ANKRD16: variants seen among roughly 807,000 people sequenced by gnomAD.
ANKRD16 encodes the protein ankyrin repeat domain-containing protein 16.
In ANKRD16, 35 loss-of-function variants were observed where a neutral mutation model predicts 37.9. That is an observed-to-expected ratio of 0.92 (90% CI 0.71 to 1.23). The LOEUF (loss-of-function observed/expected upper bound fraction) is 1.23. Ranked by LOEUF, ANKRD16 falls within the 50% of genes most tolerant of loss-of-function variation. The pLI, the probability that ANKRD16 is intolerant of heterozygous loss-of-function variation, is 0.00. For synonymous variants in ANKRD16, 206 were observed against 197.2 expected (o/e 1.04, Z -0.37); for missense variants, 480 against 469.9 (o/e 1.02, Z -0.20).
chr10:5,870,374 C>T lies in ANKRD16; in HGVS notation c.*34-7683G>A, dbSNP rs1280123204. 1.3e-5 allele frequency among the ~76,000 whole-genome samples: 2 copies of T among 151,664 alleles called. No homozygotes were observed. The highest frequency in any genetic ancestry group is 2.9e-5 in the Non-Finnish European group (2 of 67,924). On this transcript the variant is annotated intron_variant, in intron 7 of 7. Transcript: ENST00000380094. This position sits in a 1 kb window ranked among gnomAD's most constrained non-coding sequence, Gnocchi z 5.0. ...TCTCTTCCCTGCGACTCTGCCCGGG[C>T]ACCAGCCAGTCCTCATTCCCTCCCT...
At position 5,870,846 on chromosome 10, in the gene ANKRD16, GTTGC is replaced by G. The variant is rs1842078614; in HGVS notation, c.*33+7247_*33+7250del. The stretch of plus-strand genomic sequence containing the variant: ...GTTGAAATGCCTGCAGAACCCTCCT[GTTGC>G]TGTGCTCAGGCCAGAAGCTGCACAG... On this transcript the variant is annotated intron_variant, in intron 7 of 7. Transcript: ENST00000380094. The surrounding 1 kb of genome is among the most constrained non-coding windows in gnomAD (Gnocchi z 5.0). Among the ~76,000 whole-genome samples, 1 of 152,166 alleles carries G rather than the reference GTTGC, an allele frequency of 6.6e-6. No homozygotes were observed.
In ANKRD16 at chr10:5,882,525, A is replaced by G. The variant is rs140441998; in HGVS notation, c.849+481T>C. ...AAAAATAAGTAAAAGCATAAAGCCAATAGATAATGTTAAGGATAATATGCA... is the reference window on the plus strand; with the variant it reads ...AAAAATAAGTAAAAGCATAAAGCCAGTAGATAATGTTAAGGATAATATGCA... On this transcript the variant is annotated intron_variant, in intron 5 of 7. Coordinates refer to ENST00000380094, the MANE Select transcript of ANKRD16 (RefSeq NM_019046.3). Among the ~76,000 whole-genome samples the G allele has an allele frequency of 1.3e-3, 205 of 152,244 alleles. 2 individuals are homozygous for G. The highest frequency in any genetic ancestry group is 4.7e-3 in the African/African-American group (197 of 41,546).
intron 1 of ANKRD16, 144 bp downstream of exon 1, chr10:5,888,897 G>A: frequency 1.2e-6 from 1 of 846,262 alleles, no homozygotes; most frequent in African/African-American, 1.8e-5. Flanking sequence ...AGTTGGGCAG[G>A]AGGTCCCTGC....
rs776409090 is a variant in ANKRD16 at position 5,873,896 on chromosome 10, TCTG to T, written c.*33+4198_*33+4200del. ...CTCTTTGCATCTCTTTTCAGCGACT[TCTG>T]CTTTTTTTTTTTGAGACGGCGTCTC... is the stretch of plus-strand genomic sequence containing the variant. On this transcript the variant is annotated intron_variant, in intron 7 of 7. Coordinates refer to ENST00000380094, the MANE Select transcript of ANKRD16 (RefSeq NM_019046.3). Among the ~76,000 whole-genome samples the T allele has an allele frequency of 1.3e-3, 176 of 137,758 alleles. 2 individuals carry two copies. The highest frequency in any genetic ancestry group is 2.4e-3 in the Non-Finnish European group (152 of 62,494). The allele number at this position is 137,758 out of a possible 152,430, so 90.4% of individuals were successfully genotyped here. A position where few individuals can be genotyped will look rare whatever the true frequency, so the allele number is the denominator to read the frequency against.
rs1842229508 is a variant in ANKRD16, at chr10:5,878,798, A to G, written c.929-511T>C. Among the ~76,000 whole-genome samples, 1 of 152,062 alleles carries G rather than the reference A, an allele frequency of 6.6e-6. No homozygotes were observed. Among genetic ancestry groups the G allele is most frequent in the East Asian group, 1.9e-4 (1 of 5,188 alleles). On this transcript the variant is annotated intron_variant, in intron 6 of 7. Transcript: ENST00000380094. The surrounding 1 kb of genome is among the most constrained non-coding windows in gnomAD (Gnocchi z 5.1). ...AAGACTCTGCCTCAAAAAAAAAAAA[A>G]AAAGAAAAAGAAACTTATCTAAAGC... is the stretch of plus-strand genomic sequence containing the variant.
intron 7 of ANKRD16, among the ~76,000 whole-genome samples, chr10:5,876,457 C>T (rs781547330): frequency 2.6e-5 from 4 of 152,108 alleles, no homozygotes; most frequent in Admixed American, 6.6e-5. Flanking sequence ...TCTTTCAGTC[C>T]CACCTGTACA....
intron 7 of ANKRD16, among the ~76,000 whole-genome samples, chr10:5,873,472 C>CA (rs1302349804): frequency 2.6e-5 from 4 of 152,246 alleles, no homozygotes; most frequent in East Asian, 1.9e-4. Context: ...CCGTGCTCAG[C>CA]CCTATATGCA....
At position 5,881,438 on chromosome 10, in the gene ANKRD16, T is replaced by TTATAAATATAAATATATA. The variant is rs1422263395; in HGVS notation, c.850-1063_850-1062insTATATATTTATATTTATA. 3.9e-5 allele frequency among the ~76,000 whole-genome samples: 2 copies of TTATAAATATAAATATATA among 51,024 alleles called. 1 individual carries two copies. The highest frequency in any genetic ancestry group is 5.0e-4 in the Admixed American group (2 of 3,976). 33.5% of individuals were successfully genotyped at this position (51,024 alleles called of 152,430 possible). On this transcript the variant is annotated intron_variant, in intron 5 of 7. Transcript: ENST00000380094. Reference sequence around the variant, plus strand: ...ATATTTTATAAAATAAAAATATTATTTATATATATATATATATATATATAT... The same window carrying TTATAAATATAAATATATA: ...ATATTTTATAAAATAAAAATATTATTTATAAATATAAATATATATATATATATATATATATATATATAT...
intron 4 of ANKRD16, among the ~76,000 whole-genome samples, chr10:5,883,638 T>C (rs573293148): frequency 6.6e-6 from 1 of 152,238 alleles, no homozygotes; most frequent in Non-Finnish European, 1.5e-5. Context: ...TATGATTCAA[T>C]GTTCCAGGCT....
rs1842218924 is a variant in ANKRD16, at chr10:5,878,340, C to T, written c.929-53G>A. The T allele has an allele frequency of 6.5e-7, 1 of 1,530,384 alleles. No individual in the cohort carries two copies. Among genetic ancestry groups the T allele is most frequent in the South Asian group, 1.2e-5 (1 of 82,718 alleles). The allele number at this position is 1,530,384 out of a possible 1,614,324, so 94.8% of individuals were successfully genotyped here. A position where few individuals can be genotyped will look rare whatever the true frequency, so the allele number is the denominator to read the frequency against. The stretch of plus-strand genomic sequence containing the variant: ...TTAAAACACAATCCCTGGAGCAATA[C>T]TGACCTCATGAGTTGATAGTGCCCA... On this transcript the variant is annotated intron_variant, in intron 6 of 7. Transcript: ENST00000380094. The surrounding 1 kb of genome is among the most constrained non-coding windows in gnomAD (Gnocchi z 5.1).
chr10:5,873,673 A>C (rs1349985773), intron 7 of ANKRD16, among the ~76,000 whole-genome samples: 1 of 152,146 alleles, frequency 6.6e-6, no homozygotes, highest in Non-Finnish European at 1.5e-5. Context: ...GGGTTAAATT[A>C]AATTCAGTGC....
At chr10:5,882,780 T>C (rs1564418353) in intron 5 of ANKRD16, 8 of 395,942 alleles carry the variant, frequency 2.0e-5, no homozygotes, top group Middle Eastern at 1.4e-3. Context: ...GGGAGGCACT[T>C]TATGGAGTAA....
Position 5,873,028 on chromosome 10 carries a change from CT to C in ANKRD16, c.*33+5068del, listed in dbSNP as rs573396387. ...GTGTGCCCCACCACACCTGGCTAATCTTTTTTTTTTTTTTTTTCTGAGACAG... is the reference window on the plus strand; with the variant it reads ...GTGTGCCCCACCACACCTGGCTAATCTTTTTTTTTTTTTTTTCTGAGACAG... On this transcript the variant is annotated intron_variant, in intron 7 of 7. Transcript: ENST00000380094. 7.7e-4 allele frequency among the ~76,000 whole-genome samples: 89 copies of C among 116,084 alleles called. 1 individual carries two copies. The highest frequency in any genetic ancestry group is 4.8e-3 in the Middle Eastern group (1 of 210). The allele number at this position is 116,084 out of a possible 152,430, so 76.2% of individuals were successfully genotyped here. A position where few individuals can be genotyped will look rare whatever the true frequency, so the allele number is the denominator to read the frequency against.
At position 5,865,307 on chromosome 10, in the gene ANKRD16, C is replaced by A. The variant is rs1488919794; in HGVS notation, c.*34-2616G>T. ...GAGGCAATCACTGGAAGGTGCACTG[C>A]CCCAGAGGACAAAGGTTCTCTGGGC... is the stretch of plus-strand genomic sequence containing the variant. On this transcript the variant is annotated intron_variant, in intron 7 of 7. Coordinates refer to ENST00000380094, the MANE Select transcript of ANKRD16 (RefSeq NM_019046.3). This position sits in a 1 kb window ranked among gnomAD's most constrained non-coding sequence, Gnocchi z 4.7. Among the ~76,000 whole-genome samples, 1 of 152,222 alleles carries A rather than the reference C, an allele frequency of 6.6e-6. No homozygotes were observed. The highest frequency in any genetic ancestry group is 2.4e-5 in the African/African-American group (1 of 41,452).
At chr10:5,885,794 G>C (rs1215953105) in intron 2 of ANKRD16, 29 bp from the exon 3 acceptor site, 5 of 1,593,396 alleles carry the variant, frequency 3.1e-6, no homozygotes, top group Non-Finnish European at 1.7e-6. Context: ...CTGAGAATTA[G>C]AGCTTTTTAG....
In ANKRD16 at chr10:5,885,710, G is replaced by A. The variant is rs7076614; in HGVS notation, c.578+13C>T. 19 of 1,613,554 alleles carry A rather than the reference G, an allele frequency of 1.2e-5. No individual in the cohort carries two copies. Among genetic ancestry groups the A allele is most frequent in the East Asian group, 1.1e-4 (5 of 44,860 alleles). ...TAGCAAATATTTTCCCTGACTTGCT[G>A]TATTGTTCTTACCTCTTAAGAAGCA... is the stretch of plus-strand genomic sequence containing the variant. On this transcript the variant is annotated intron_variant, in intron 3 of 7. Transcript: ENST00000380094.
chr10:5,870,113 T>C lies in ANKRD16; in HGVS notation c.*34-7422A>G, dbSNP rs148705074. The stretch of plus-strand genomic sequence containing the variant: ...CTGTTGGACCATTCTCTCAGCAATC[T>C]GTAAACTGTAATCTGCTCCATTAAA... On this transcript the variant is annotated intron_variant, in intron 7 of 7. Transcript: ENST00000380094. This position sits in a 1 kb window ranked among gnomAD's most constrained non-coding sequence, Gnocchi z 5.0. Among the ~76,000 whole-genome samples the C allele has an allele frequency of 3.3e-4, 50 of 152,292 alleles. No individual in the cohort carries two copies. Among genetic ancestry groups the C allele is most frequent in the African/African-American group, 1.2e-3 (50 of 41,550 alleles).
chr10:5,862,257 A>G lies in ANKRD16; in HGVS notation c.*468T>C. 2.8e-6 allele frequency: 1 copy of G among 359,236 alleles called. No homozygotes were observed. Among genetic ancestry groups the G allele is most frequent in the Non-Finnish European group, 5.4e-6 (1 of 183,566 alleles). The allele number at this position is 359,236 out of a possible 1,614,324, so 22.3% of individuals were successfully genotyped here. On this transcript the variant is annotated 3_prime_UTR_variant, in exon 8 of 8. Transcript: ENST00000380094. This position sits in a 1 kb window ranked among gnomAD's most constrained non-coding sequence, Gnocchi z 6.5. Reference sequence around the variant, plus strand: ...TTCTCTGGCTAAAGACTGCTGCTGCATCTGTTAGGCAATGTTGACAATCTC... The same window carrying G: ...TTCTCTGGCTAAAGACTGCTGCTGCGTCTGTTAGGCAATGTTGACAATCTC...
chr10:5,877,509 T>G (rs1376263191), intron 7 of ANKRD16, among the ~76,000 whole-genome samples: 1 of 152,252 alleles, frequency 6.6e-6, no homozygotes, highest in Non-Finnish European at 1.5e-5. Flanking sequence ...TAAAACTTGA[T>G]AGCTTAACTA....
Sources: allele counts gnomAD v4.1 joint callset (sites outside exome capture counted in the v4.1 genomes callset), GRCh38; gene constraint gnomAD v4.1.1; non-coding constraint Gnocchi (gnomAD v3.1); transcripts MANE v1.5; gene names NCBI Gene and HGNC (gene_info 2026-07-23, HGNC 2026-07-21).